KCNQ2: variants seen among roughly 807,000 people sequenced by gnomAD.
KCNQ2 encodes potassium voltage-gated channel subfamily Q member 2, also known as potassium voltage-gated channel subfamily KQT member 2.
In KCNQ2, 14 loss-of-function variants were observed where a neutral mutation model predicts 84.8. The ratio of observed to expected loss-of-function variants is 0.17; its 90% CI spans 0.11 to 0.26. The LOEUF (loss-of-function observed/expected upper bound fraction) is 0.26. Ranked by LOEUF, KCNQ2 falls within the 10% of genes least tolerant of loss-of-function variation. The pLI, the probability that KCNQ2 is intolerant of heterozygous loss-of-function variation, is 1.00. For synonymous variants in KCNQ2, 599 were observed against 554.1 expected, an observed-to-expected ratio of 1.08 and a Z score of -1.14; for missense variants, 788 against 1,254.0, an observed-to-expected ratio of 0.63 and a Z score of 5.61.
chr20:63,470,375 G>C (rs2082186833), intron 1 of KCNQ2, among the ~76,000 whole-genome samples: 1 of 152,214 alleles, frequency 6.6e-6, no homozygotes, highest in Non-Finnish European at 1.5e-5. Flanking sequence ...TCTTAGAGGG[G>C]GCCCGTCCGG....
intron 1 of KCNQ2, among the ~76,000 whole-genome samples, chr20:63,452,590 T>G (rs1035433832): frequency 6.6e-6 from 1 of 152,144 alleles, no homozygotes; most frequent in Non-Finnish European, 1.5e-5. Context: ...ATGCATACAG[T>G]GGGCATCACG....
chr20:63,460,178 C>G lies in KCNQ2; in HGVS notation c.296+11990G>C, dbSNP rs1378970228. 1 of 152,498 alleles carries G rather than the reference C, an allele frequency of 6.6e-6. No individual in the cohort carries two copies. Among genetic ancestry groups the G allele is most frequent in the Non-Finnish European group, 1.5e-5 (1 of 68,268 alleles). The allele number at this position is 152,498 out of a possible 1,614,324, so 9.4% of individuals were successfully genotyped here. A position where few individuals can be genotyped will look rare whatever the true frequency, so the allele number is the denominator to read the frequency against. Reference sequence around the variant, plus strand: ...CCATCCCCAGCACCTTTGGGGACCCCTGCTTGGCCTGGCCTGGGCTCCTGA... The same window carrying G: ...CCATCCCCAGCACCTTTGGGGACCCGTGCTTGGCCTGGCCTGGGCTCCTGA... On this transcript the variant is annotated intron_variant, in intron 1 of 16. Transcript: ENST00000359125. This position sits in a 1 kb window ranked among gnomAD's most constrained non-coding sequence, Gnocchi z 5.4.
chr20:63,463,065 GT>G (rs2081995709), intron 1 of KCNQ2, among the ~76,000 whole-genome samples: 1 of 151,794 alleles, frequency 6.6e-6, no homozygotes, highest in Non-Finnish European at 1.5e-5. Flanking sequence ...CTGTGTGTGT[GT>G]GTGTGTGTGT....
Position 63,414,766 on chromosome 20 carries a change from A to T in KCNQ2, c.1525+137T>A. On this transcript the variant is annotated intron_variant, in intron 13 of 16. Coordinates refer to ENST00000359125, the MANE Select transcript of KCNQ2 (RefSeq NM_172107.4). The surrounding 1 kb of genome is among the most constrained non-coding windows in gnomAD (Gnocchi z 6.6). ...TTTTAGGTTGCACAAGTCTCACCTC[A>T]ATTTTAGAAAGGATAGGGGGTTCCC... The T allele has an allele frequency of 1.2e-6, 1 of 819,404 alleles. No individual in the cohort carries two copies. The highest frequency in any genetic ancestry group is 2.1e-6 in the Non-Finnish European group (1 of 482,864). The allele number at this position is 819,404 out of a possible 1,614,324, so 50.8% of individuals were successfully genotyped here. A position where few individuals can be genotyped will look rare whatever the true frequency, so the allele number is the denominator to read the frequency against.
chr20:63,471,430 G>GCTGGGGGTCCCAGGT (rs1471681606), intron 1 of KCNQ2, among the ~76,000 whole-genome samples: 6 of 152,228 alleles, frequency 3.9e-5, no homozygotes, highest in African/African-American at 1.4e-4. Flanking sequence ...CAGGCCCAGG[G>GCTGGGGGTCCCAGGT]CTGGGGGTCC....
chr20:63,414,154 C>T lies in KCNQ2; in HGVS notation c.1565G>A (p.Ser522Asn), dbSNP rs2080212237. 1 of 1,613,644 alleles carries T rather than the reference C, an allele frequency of 6.2e-7. No homozygotes were observed. The highest frequency in any genetic ancestry group is 1.3e-5 in the African/African-American group (1 of 74,926). Residue 522 changes from serine to asparagine, a missense_variant, in exon 14 of 17, where the codon AGC (serine) becomes AAC (asparagine). By Grantham distance (46) the Ser-to-Asn change is conservative. Transcript: ENST00000359125. This position sits in a 1 kb window ranked among gnomAD's most constrained non-coding sequence, Gnocchi z 6.6. ...CTCGGTCACAAACTCGCAGGGGCAG[C>T]TCTTGTCATCCACAATGTCCTCTCC... ...LPGEDIVDDK[S>N]CPCEFVTEDL...
At position 63,465,992 on chromosome 20, in the gene KCNQ2, T is replaced by C. The variant is rs546874193; in HGVS notation, c.296+6176A>G. 9.1e-4 allele frequency among the ~76,000 whole-genome samples: 138 copies of C among 152,256 alleles called. 6 individuals are homozygous for C. In the South Asian group the frequency reaches 0.027, roughly 30 times the overall value. Reference sequence around the variant, plus strand: ...TCTCTGGCGCGGTCTGCGTGGAAACTAGAAGCTTGCACTGCAGCTCTTTCA... The same window carrying C: ...TCTCTGGCGCGGTCTGCGTGGAAACCAGAAGCTTGCACTGCAGCTCTTTCA... On this transcript the variant is annotated intron_variant, in intron 1 of 16. Coordinates refer to ENST00000359125, the MANE Select transcript of KCNQ2 (RefSeq NM_172107.4).
intron 1 of KCNQ2, among the ~76,000 whole-genome samples, chr20:63,467,607 G>A (rs1374384474): frequency 6.6e-6 from 1 of 152,232 alleles, no homozygotes; most frequent in African/African-American, 2.4e-5. Context: ...TGTGCACACA[G>A]GGGCCATGGA....
chr20:63,433,929 G>A (rs1323588532), intron 7 of KCNQ2, 26 bp from the exon 8 acceptor site: 1 of 1,608,784 alleles, frequency 6.2e-7, no homozygotes, highest in African/African-American at 1.3e-5. Context: ...CAAGGCAGTT[G>A]GCGAGGGGCA....
chr20:63,424,194 C>T lies in KCNQ2; in HGVS notation c.1230G>A (p.Pro410=), dbSNP rs767038163. 1.1e-5 allele frequency: 17 copies of T among 1,555,974 alleles called. No homozygotes were observed. The highest frequency in any genetic ancestry group is 7.2e-5 in the East Asian group (3 of 41,864). The change falls in exon 11 of 17, where the codon CCG becomes CCA. Residue 410 remains proline, a synonymous_variant. Coordinates refer to ENST00000359125, the MANE Select transcript of KCNQ2 (RefSeq NM_172107.4). The part of the protein sequence containing the change: ...KSGLAFRKDP[P]PEPSPSKGSP... ...GCACTGACCTTGGAGACGGCTCCGG[C>T]GGGGGGTCCTTCCTTCAAACAGAAG...
intron 9 of KCNQ2, among the ~76,000 whole-genome samples, chr20:63,430,125 C>T (rs2080748773): frequency 6.6e-6 from 1 of 152,242 alleles, no homozygotes; most frequent in South Asian, 2.1e-4. Flanking sequence ...CTCAGAGCCA[C>T]ATAGGAGGCC....
intron 1 of KCNQ2, among the ~76,000 whole-genome samples, chr20:63,469,469 G>A (rs886934276): frequency 6.6e-6 from 1 of 152,254 alleles, no homozygotes; most frequent in African/African-American, 2.4e-5. Context: ...CAGAGCGGGG[G>A]CAGCAGGGGC....
At chr20:63,432,284 C>T (rs1339401859) in intron 8 of KCNQ2, among the ~76,000 whole-genome samples, 2 of 149,558 alleles carry the variant, frequency 1.3e-5, no homozygotes, top group African/African-American at 2.5e-5. Flanking sequence ...AAGTCCCCAC[C>T]CTCAGGGAAG....
At chr20:63,433,398 A>G in intron 8 of KCNQ2, 1 of 336,586 alleles carries the variant, frequency 3.0e-6, no homozygotes, top group South Asian at 4.0e-5. Flanking sequence ...TAGGTCCTTG[A>G]TGGGGGACGG....
At chr20:63,418,297 C>T (rs1290489460) in intron 12 of KCNQ2, among the ~76,000 whole-genome samples, 2 of 152,212 alleles carry the variant, frequency 1.3e-5, no homozygotes, top group African/African-American at 2.4e-5. Flanking sequence ...TTGGGGCTTA[C>T]GGGGCCGGGG....
chr20:63,424,383 G>A, intron 10 of KCNQ2, 177 bp from the exon 11 acceptor site: 1 of 701,456 alleles, frequency 1.4e-6, no homozygotes, highest in Non-Finnish European at 2.4e-6. Flanking sequence ...ACGGCCCCAG[G>A]AACGGGCACC....
Position 63,407,771 on chromosome 20 carries a change from G to C in KCNQ2, c.1888-396C>G, listed in dbSNP as rs929749670. On this transcript the variant is annotated intron_variant, in intron 16 of 16. Transcript: ENST00000359125. This position sits in a 1 kb window ranked among gnomAD's most constrained non-coding sequence, Gnocchi z 7.2. Reference sequence around the variant, plus strand: ...GTTGCTCCCTGGAGAGGTACAGGGAGGGGGGATCCCTGCTCCCTGGAAGCT... The same window carrying C: ...GTTGCTCCCTGGAGAGGTACAGGGACGGGGGATCCCTGCTCCCTGGAAGCT... 7.9e-5 allele frequency among the ~76,000 whole-genome samples: 12 copies of C among 151,990 alleles called. No homozygotes were observed. Among genetic ancestry groups the C allele is most frequent in the Non-Finnish European group, 1.0e-4 (7 of 67,942 alleles).
intron 9 of KCNQ2, 61 bp downstream of exon 9, chr20:63,431,279 G>C: frequency 6.3e-7 from 1 of 1,599,472 alleles, no homozygotes; most frequent in East Asian, 2.2e-5. Flanking sequence ...CCCGGTCACA[G>C]TTCCAGACAC....
Position 63,452,873 on chromosome 20 carries a change from C to T in KCNQ2, c.297-6036G>A, listed in dbSNP as rs2081654743. Among the ~76,000 whole-genome samples the T allele has an allele frequency of 2.7e-5, 4 of 150,286 alleles. No homozygotes were observed. The South Asian group carries it at 8.4e-4, about 31-fold the overall frequency. On this transcript the variant is annotated intron_variant, in intron 1 of 16. Coordinates refer to ENST00000359125, the MANE Select transcript of KCNQ2 (RefSeq NM_172107.4). ...TCCACACAGGCCAGCCAGAATGCCT[C>T]AGCCCGGGACGACGCGCCAGCCGGA...
Sources: allele counts gnomAD v4.1 joint callset (sites outside exome capture counted in the v4.1 genomes callset), GRCh38; gene constraint gnomAD v4.1.1; non-coding constraint Gnocchi (gnomAD v3.1); transcripts MANE v1.5; gene names NCBI Gene and HGNC (gene_info 2026-07-23, HGNC 2026-07-21).